UGT1A6: variants seen among roughly 807,000 people sequenced by gnomAD.
The protein encoded by UGT1A6 is UDP glucuronosyltransferase family 1 member A6.
A neutral mutation model predicts 44.4 loss-of-function variants in UGT1A6; 32 were observed. The ratio of observed to expected loss-of-function variants is 0.72; its 90% confidence interval spans 0.54 to 0.97. UGT1A6 has a LOEUF of 0.97. Among genes scored for constraint, UGT1A6 ranks in the 50% least tolerant of loss-of-function variants. UGT1A6 has a pLI of 0.00. For missense variants in UGT1A6, 685 were observed against 661.9 expected (o/e 1.03, Z -0.38); for synonymous variants, 238 against 248.5 (o/e 0.96, Z 0.40).
chr2:233,704,715 G>T (rs973511886), intron 1 of UGT1A6, among the ~76,000 whole-genome samples: 5 of 152,008 alleles, frequency 3.3e-5, no homozygotes, highest in African/African-American at 1.2e-4. Flanking sequence ...AGCCCAATTT[G>T]CCTTTGCTCC....
rs1699345789 is a variant in UGT1A6 at position 233,767,247 on chromosome 2, C to T, written c.993+82C>T. 3.2e-5 allele frequency: 52 copies of T among 1,603,298 alleles called. No individual in the cohort carries two copies. In the South Asian group the frequency reaches 5.5e-4, roughly 17 times the overall value. ...GACTTCCAGCTTCCAGATTAATTCTCTTAATTGGAACCTTAGATTTGGCTT... is the reference window on the plus strand; with the variant it reads ...GACTTCCAGCTTCCAGATTAATTCTTTTAATTGGAACCTTAGATTTGGCTT... On this transcript the variant is annotated intron_variant, in intron 2 of 4. Coordinates refer to ENST00000305139, the MANE Select transcript of UGT1A6 (RefSeq NM_001072.4).
At chr2:233,747,988 G>A (rs1693831821) in intron 1 of UGT1A6, 3 of 1,613,354 alleles carry the variant, frequency 1.9e-6, no homozygotes, top group Non-Finnish European at 2.5e-6. Context: ...CTGTTCCGAG[G>A]GGACTTTGTG....
intron 1 of UGT1A6, chr2:233,761,110 G>A: frequency 1.9e-6 from 3 of 1,614,198 alleles, no homozygotes; most frequent in African/African-American, 1.3e-5. Context: ...TATGGTTTTT[G>A]TTGGTGGAAT....
At chr2:233,703,465 T>C (rs368098064) in intron 1 of UGT1A6, among the ~76,000 whole-genome samples, 9 of 152,274 alleles carry the variant, frequency 5.9e-5, no homozygotes, top group African/African-American at 2.2e-4. Flanking sequence ...CTCTATTCTT[T>C]ATTATTTTCT....
intron 1 of UGT1A6, among the ~76,000 whole-genome samples, chr2:233,696,580 A>T (rs2125568256): frequency 6.6e-6 from 1 of 151,478 alleles, no homozygotes; most frequent in South Asian, 2.1e-4. Context: ...GAATAATTTG[A>T]CTTCTTCCTT....
At chr2:233,764,754 C>T (rs955406982) in intron 1 of UGT1A6, among the ~76,000 whole-genome samples, 3 of 152,116 alleles carry the variant, frequency 2.0e-5, no homozygotes, top group African/African-American at 7.2e-5. Context: ...GTGGTGCAGA[C>T]CCTAGGGAGG....
At position 233,693,043 on chromosome 2, in the gene UGT1A6, A is replaced by G. The variant is rs774480903; in HGVS notation, c.39A>G (p.Ala13=). The G allele has an allele frequency of 2.2e-5, 36 of 1,614,048 alleles. No homozygotes were observed. In the Middle Eastern group the frequency reaches 4.9e-4, roughly 22 times the overall value. ...CLLRSFQRIS[A]GVFFLALWGM... ...TTCGCTCATTTCAGAGAATTTCTGC[A>G]GGGGTTTTCTTCTTAGCACTTTGGG... The change falls in exon 1 of 5, where the codon GCA becomes GCG. Residue 13 remains alanine (A), a synonymous_variant. Coordinates refer to ENST00000305139, the MANE Select transcript of UGT1A6 (RefSeq NM_001072.4).
At chr2:233,739,315 GAGA>G (rs1462380897) in intron 1 of UGT1A6, among the ~76,000 whole-genome samples, 27 of 152,314 alleles carry the variant, frequency 1.8e-4, no homozygotes, top group African/African-American at 5.5e-4. Context: ...GTGGAGTTGT[GAGA>G]AGAAGGCCAC....
chr2:233,754,673 A>G, intron 1 of UGT1A6: 2 of 470,398 alleles, frequency 4.3e-6, no homozygotes, highest in Non-Finnish European at 8.4e-6. Flanking sequence ...TGATTTTTTT[A>G]CCATCAACTA....
chr2:233,745,132 TG>T (rs1669104156), intron 1 of UGT1A6, among the ~76,000 whole-genome samples: 1 of 151,914 alleles, frequency 6.6e-6, no homozygotes, highest in Admixed American at 6.5e-5. Context: ...TCTGCAGATG[TG>T]AAGCCCAAGT....
At chr2:233,729,306 C>T (rs146717613) in intron 1 of UGT1A6, 13 of 1,614,122 alleles carry the variant, frequency 8.1e-6, no homozygotes, top group Non-Finnish European at 1.1e-5. Flanking sequence ...AGGCAGTGGT[C>T]CTCACCCCAG....
chr2:233,725,060 G>T (rs969335161), intron 1 of UGT1A6, among the ~76,000 whole-genome samples: 5 of 147,180 alleles, frequency 3.4e-5, no homozygotes, highest in African/African-American at 1.0e-4. Flanking sequence ...GGCGGCGCGC[G>T]CCTGCAATCG....
At chr2:233,747,977 G>A (rs1693826207) in intron 1 of UGT1A6, 1 of 1,613,358 alleles carries the variant, frequency 6.2e-7, no homozygotes, top group Non-Finnish European at 8.5e-7. Context: ...CATCTGTGTG[G>A]CTGTTCCGAG....
chr2:233,758,519 G>T (rs1221365461), intron 1 of UGT1A6, among the ~76,000 whole-genome samples: 1 of 152,226 alleles, frequency 6.6e-6, no homozygotes. Context: ...ACAACAAAGA[G>T]TGAAAGCATT....
chr2:233,745,013 A>G (rs1344188212), intron 1 of UGT1A6, among the ~76,000 whole-genome samples: 1 of 151,876 alleles, frequency 6.6e-6, no homozygotes, highest in Non-Finnish European at 1.5e-5. Context: ...TAATAAATGT[A>G]AATGCTATGT....
chr2:233,709,836 C>T (rs1010563430), intron 1 of UGT1A6, among the ~76,000 whole-genome samples: 5 of 152,188 alleles, frequency 3.3e-5, no homozygotes, highest in African/African-American at 9.7e-5. Context: ...GCTGTGCAGC[C>T]ATCACCACAT....
intron 1 of UGT1A6, 152 bp downstream of exon 1, chr2:233,694,017 T>G: frequency 1.4e-6 from 2 of 1,382,468 alleles, no homozygotes; most frequent in Non-Finnish European, 9.8e-7. Context: ...CGGGAACACA[T>G]AGGAGACCTG....
chr2:233,706,754 C>T (rs6725478), intron 1 of UGT1A6, among the ~76,000 whole-genome samples: 64,190 of 151,890 alleles, frequency 0.42, 14,632 homozygotes, highest in African/African-American at 0.59. Context: ...AGCAGAGTGC[C>T]GTACACTGGT....
chr2:233,737,653 G>C (rs567057644), intron 1 of UGT1A6, among the ~76,000 whole-genome samples: 4 of 152,320 alleles, frequency 2.6e-5, no homozygotes, highest in African/African-American at 9.6e-5. Context: ...CATGCTGGGA[G>C]CTGCAGATCG....
Sources: allele counts gnomAD v4.1 joint callset (sites outside exome capture counted in the v4.1 genomes callset), GRCh38; gene constraint gnomAD v4.1.1; transcripts MANE v1.5; gene names NCBI Gene and HGNC (gene_info 2026-07-23, HGNC 2026-07-21).